Variants in MDM4 observed in about 807,000 individuals in gnomAD.
MDM4 encodes the protein MDM4 regulator of p53, also known as protein Mdm4.
A neutral mutation model predicts 60.2 loss-of-function variants in MDM4; 2 were observed. That is an observed-to-expected ratio of 0.03 (90% confidence interval 0.01 to 0.10). The LOEUF is 0.10. Ranked by LOEUF, MDM4 falls within the 10% of genes least tolerant of loss-of-function variation. The pLI, the probability that MDM4 is intolerant of heterozygous loss-of-function variation, is 1.00. For synonymous variants in MDM4, 202 were observed against 198.1 expected (o/e 1.02, Z -0.17); for missense variants, 447 against 577.5 (o/e 0.77, Z 2.32).
chr1:204,546,668 C>T, intron 9 of MDM4, 129 bp from the exon 10 acceptor site: 1 of 612,572 alleles, frequency 1.6e-6, no homozygotes, highest in Middle Eastern at 4.1e-4. Context: ...TTTAAGCTGT[C>T]TCCTTAAGTG....
chr1:204,518,720 A>T (rs1229534989), intron 1 of MDM4, among the ~76,000 whole-genome samples: 1 of 152,124 alleles, frequency 6.6e-6, no homozygotes, highest in East Asian at 1.9e-4. Context: ...CACTGGAGTG[A>T]AGTGGTATGA....
intron 7 of MDM4, among the ~76,000 whole-genome samples, chr1:204,539,737 A>G (rs1661837095): frequency 6.6e-6 from 1 of 151,368 alleles, no homozygotes; most frequent in African/African-American, 2.4e-5. Flanking sequence ...GGGTTTTACC[A>G]TGTTGACCAG....
rs537968549 is a variant in MDM4, at chr1:204,554,865, T to C, written c.*5183T>C. On this transcript the variant is annotated 3_prime_UTR_variant, in exon 11 of 11. Coordinates refer to ENST00000367182, the MANE Select transcript of MDM4 (RefSeq NM_002393.5). Reference sequence around the variant, plus strand: ...TGTCCCATTAGCATTTTCAGATCTTTTGATGTGCACTAATGCCATTATTGG... The same window carrying C: ...TGTCCCATTAGCATTTTCAGATCTTCTGATGTGCACTAATGCCATTATTGG... The C allele has an allele frequency of 4.4e-6, 1 of 225,072 alleles. No individual in the cohort carries two copies. The highest frequency in any genetic ancestry group is 6.5e-5 in the East Asian group (1 of 15,480). 13.9% of individuals were successfully genotyped at this position (225,072 alleles called of 1,614,324 possible). A position where few individuals can be genotyped will look rare whatever the true frequency, so the allele number is the denominator to read the frequency against.
intron 7 of MDM4, among the ~76,000 whole-genome samples, chr1:204,540,263 C>T (rs930468957): frequency 2.3e-4 from 33 of 145,730 alleles, no homozygotes; most frequent in Middle Eastern, 4.1e-3. Flanking sequence ...CCAGCCTGGG[C>T]GACAGAGCGA....
At chr1:204,534,766 A>G (rs1211145018) in intron 5 of MDM4, among the ~76,000 whole-genome samples, 2 of 152,206 alleles carry the variant, frequency 1.3e-5, no homozygotes. Flanking sequence ...TGTTGGGATG[A>G]CAGGCGTGAG....
intron 1 of MDM4, among the ~76,000 whole-genome samples, chr1:204,519,942 GA>G (rs1048547912): frequency 1.3e-5 from 2 of 152,032 alleles, no homozygotes; most frequent in Admixed American, 1.3e-4. Context: ...CTAGAACAAA[GA>G]AAGAGAAAAA....
In MDM4 at chr1:204,549,220, A is replaced by G. The variant is rs755385747; in HGVS notation, c.1011A>G (p.Leu337=). The change falls in exon 11 of 11, where the codon TTA becomes TTG. Residue 337 remains leucine (L), a synonymous_variant. Transcript: ENST00000367182. ...RKDWYSDCSK[L]THSLSTSDIT... is the part of the protein sequence containing the mutation. ...ATTGGTATTCAGATTGTTCAAAGTTAACCCATTCTCTCTCCACGTCTGATA... is the reference window on the plus strand; with the variant it reads ...ATTGGTATTCAGATTGTTCAAAGTTGACCCATTCTCTCTCCACGTCTGATA... 5 of 1,613,906 alleles carry G rather than the reference A, an allele frequency of 3.1e-6. No homozygotes were observed. In the Admixed American group the frequency reaches 6.7e-5, roughly 22 times the overall value.
chr1:204,537,279 C>T (rs1661520087), intron 5 of MDM4, 151 bp from the exon 6 acceptor site: 1 of 546,954 alleles, frequency 1.8e-6, no homozygotes, highest in Non-Finnish European at 3.2e-6. Context: ...TTGATTTTTC[C>T]CTTGCAAATG....
intron 4 of MDM4, among the ~76,000 whole-genome samples, chr1:204,531,645 C>T (rs1660862812): frequency 6.6e-6 from 1 of 151,990 alleles, no homozygotes; most frequent in Admixed American, 6.6e-5. Flanking sequence ...GCCTGGCCAA[C>T]ATAAGTGAAA....
chr1:204,532,631 A>T, intron 5 of MDM4: 1 of 785,236 alleles, frequency 1.3e-6, no homozygotes. Flanking sequence ...CAGTTATCTC[A>T]AAAATACCTT....
chr1:204,539,328 A>G (rs1386364712), intron 7 of MDM4, among the ~76,000 whole-genome samples: 1 of 151,952 alleles, frequency 6.6e-6, no homozygotes, highest in Non-Finnish European at 1.5e-5. Flanking sequence ...GACATAATAT[A>G]CTTAATCACA....
At chr1:204,538,958 C>T (rs1373502925) in intron 7 of MDM4, among the ~76,000 whole-genome samples, 1 of 151,832 alleles carries the variant, frequency 6.6e-6, no homozygotes, top group African/African-American at 2.4e-5. Flanking sequence ...CAGCCTCCGC[C>T]TCCCAGGTTC....
In MDM4 at chr1:204,550,271, A is replaced by C. The variant is rs908610415; in HGVS notation, c.*589A>C. The C allele has an allele frequency of 4.8e-5, 11 of 230,936 alleles. No individual in the cohort carries two copies. Among genetic ancestry groups the C allele is most frequent in the African/African-American group, 2.2e-4 (10 of 45,128 alleles). The allele number at this position is 230,936 out of a possible 1,614,324, so 14.3% of individuals were successfully genotyped here. ...TCACTGCAGCCTTGGTTTCCTGGGC[A>C]TAAGTGGTCTTCCCACTTCAGCCTC... is the stretch of plus-strand genomic sequence containing the variant. On this transcript the variant is annotated 3_prime_UTR_variant, in exon 11 of 11. Coordinates refer to ENST00000367182, the MANE Select transcript of MDM4 (RefSeq NM_002393.5).
intron 1 of MDM4, among the ~76,000 whole-genome samples, chr1:204,520,203 G>C (rs910332894): frequency 1.3e-5 from 2 of 151,480 alleles, no homozygotes; most frequent in African/African-American, 2.4e-5. Context: ...CATGAACCCC[G>C]GGGGGTGGAG....
intron 3 of MDM4, chr1:204,529,404 G>A (rs1004409473): frequency 6.0e-5 from 74 of 1,236,490 alleles, no homozygotes; most frequent in Non-Finnish European, 8.1e-5. Context: ...GGCACCGTAG[G>A]AATTTGGAGG....
At chr1:204,518,652 G>A (rs551711438) in intron 1 of MDM4, among the ~76,000 whole-genome samples, 1 of 152,110 alleles carries the variant, frequency 6.6e-6, no homozygotes, top group South Asian at 2.1e-4. Context: ...CCTACTCCAC[G>A]TGTTTTCTTT....
chr1:204,546,754 A>T (rs767392912), intron 9 of MDM4, 43 bp from the exon 10 acceptor site: 1 of 1,368,900 alleles, frequency 7.3e-7, no homozygotes, highest in South Asian at 1.2e-5. Flanking sequence ...AGCCTCATCT[A>T]AAACAAGTAA....
intron 10 of MDM4, among the ~76,000 whole-genome samples, chr1:204,548,794 A>G (rs1490132830): frequency 6.6e-6 from 1 of 152,180 alleles, no homozygotes; most frequent in Admixed American, 6.5e-5. Context: ...TGCAAAGAAA[A>G]ATAACTCCAA....
At chr1:204,519,145 T>C (rs924030399) in intron 1 of MDM4, among the ~76,000 whole-genome samples, 5 of 152,164 alleles carry the variant, frequency 3.3e-5, no homozygotes, top group Admixed American at 6.6e-5. Context: ...CAGTGCAAGA[T>C]AAGAGTGAAA....
Sources: allele counts gnomAD v4.1 joint callset (sites outside exome capture counted in the v4.1 genomes callset), GRCh38; gene constraint gnomAD v4.1.1; transcripts MANE v1.5; gene names NCBI Gene and HGNC (gene_info 2026-07-23, HGNC 2026-07-21).